The following RAD54B variants were observed in gnomAD, a reference collection of about 807,000 sequenced individuals.
The protein encoded by RAD54B is DNA repair and recombination protein RAD54B.
A neutral mutation model predicts 95.8 loss-of-function variants in RAD54B; 78 were observed. That is an observed-to-expected ratio of 0.81 (90% CI 0.68 to 0.98). RAD54B has a LOEUF of 0.98. Among genes scored for constraint, RAD54B ranks in the 50% least tolerant of loss-of-function variants. RAD54B has a pLI of 0.00. For synonymous variants in RAD54B, 328 were observed against 354.9 expected (o/e 0.92, Z 0.85); for missense variants, 957 against 1,056.6 (o/e 0.91, Z 1.31).
At chr8:94,432,919 C>T (rs1812151415) in intron 3 of RAD54B, among the ~76,000 whole-genome samples, 1 of 151,886 alleles carries the variant, frequency 6.6e-6, no homozygotes, top group African/African-American at 2.4e-5. Context: ...TTATAGAAGG[C>T]CAATGAAGAA....
chr8:94,428,014 T>G (rs1201028736), intron 3 of RAD54B: 2 of 931,608 alleles, frequency 2.1e-6, no homozygotes, highest in Non-Finnish European at 1.3e-6. Flanking sequence ...AAATCTGGTA[T>G]TCGTTAGAAA....
chr8:94,436,674 T>C, intron 3 of RAD54B: 1 of 1,550,652 alleles, frequency 6.4e-7, no homozygotes, highest in South Asian at 1.2e-5. Flanking sequence ...GTAGGCCCTG[T>C]GCTGTTCGAG....
intron 3 of RAD54B, among the ~76,000 whole-genome samples, chr8:94,422,559 G>A (rs1427500445): frequency 8.8e-6 from 1 of 113,966 alleles, no homozygotes; most frequent in African/African-American, 3.4e-5. Context: ...TGGCACTCCA[G>A]CCTGGACGAT....
chr8:94,460,133 G>C (rs899764979), intron 2 of RAD54B, among the ~76,000 whole-genome samples: 5 of 149,898 alleles, frequency 3.3e-5, no homozygotes, highest in African/African-American at 1.2e-4. Context: ...ACTGCAGCCT[G>C]GGCAACAGAG....
chr8:94,429,128 G>GT, intron 3 of RAD54B: 2 of 984,204 alleles, frequency 2.0e-6, no homozygotes, highest in Non-Finnish European at 2.4e-6. Flanking sequence ...CTCAAAGAGT[G>GT]TGATTCTGGT....
At chr8:94,386,401 G>A (rs1359584027) in intron 11 of RAD54B, among the ~76,000 whole-genome samples, 1 of 152,006 alleles carries the variant, frequency 6.6e-6, no homozygotes, top group Non-Finnish European at 1.5e-5. Flanking sequence ...AAGTACTATA[G>A]GACATCAAGA....
intron 14 of RAD54B, among the ~76,000 whole-genome samples, chr8:94,377,864 T>TA (rs1460168847): frequency 6.8e-6 from 1 of 147,388 alleles, no homozygotes; most frequent in Admixed American, 6.8e-5. Context: ...TAGTCCCAGC[T>TA]ACTCGGGAGG....
intron 3 of RAD54B, chr8:94,428,169 T>G (rs1257727483): frequency 3.6e-6 from 3 of 823,732 alleles, no homozygotes; most frequent in Non-Finnish European, 4.4e-6. Flanking sequence ...TACTAATATA[T>G]TGGATGAAAT....
chr8:94,372,223 C>A lies in RAD54B; in HGVS notation c.2680G>T (p.Glu894Ter), dbSNP rs768703754. 2.5e-6 allele frequency: 4 copies of A among 1,612,028 alleles called. No homozygotes were observed. The highest frequency in any genetic ancestry group is 2.5e-6 in the Non-Finnish European group (3 of 1,179,400). Residue 894 changes from glutamate (E) to a stop codon, truncating the protein, a stop_gained, in exon 15 of 15, where the codon GAA becomes TAA. Coordinates refer to ENST00000336148, the MANE Select transcript of RAD54B (RefSeq NM_012415.3). LOFTEE classifies it high-confidence loss of function. ...TTCTGAAAAATGAATGACACATTTT[C>A]TGTTATTCTTTCAAGAAAAGGATCT... is the stretch of plus-strand genomic sequence containing the variant. The part of the protein sequence containing the change: ...LTDPFLERIT[E>*]NVSFIFQNIT...
chr8:94,431,441 G>A (rs896144982), intron 3 of RAD54B: 2 of 979,782 alleles, frequency 2.0e-6, no homozygotes, highest in Non-Finnish European at 2.4e-6. Context: ...TGAAAGAAAT[G>A]CTTCTAATAT....
At chr8:94,382,291 A>G (rs1016560966) in intron 11 of RAD54B, among the ~76,000 whole-genome samples, 1 of 152,182 alleles carries the variant, frequency 6.6e-6, no homozygotes, top group African/African-American at 2.4e-5. Context: ...TGATGAAGAA[A>G]AATAGGTCAT....
intron 8 of RAD54B, among the ~76,000 whole-genome samples, chr8:94,396,968 T>A (rs1037189870): frequency 6.6e-6 from 1 of 152,090 alleles, no homozygotes; most frequent in African/African-American, 2.4e-5. Flanking sequence ...GAGACCTCAA[T>A]AGAAACCAAA....
chr8:94,391,668 A>C lies in RAD54B; in HGVS notation c.1750T>G (p.Cys584Gly). 1 of 1,613,974 alleles carries C rather than the reference A, an allele frequency of 6.2e-7. No individual in the cohort carries two copies. Among genetic ancestry groups the C allele is most frequent in the East Asian group, 2.2e-5 (1 of 44,868 alleles). Residue 584 changes from cysteine (C) to glycine (G), a missense_variant, in exon 10 of 15, where the codon TGT (cysteine) becomes GGT (glycine). Physicochemically the swap from Cys to Gly is radical, Grantham distance 159. Transcript: ENST00000336148. ...GLLENSPHLI[C>G]IGALKKLCNH... ...CACAGTTTTTTAAGAGCTCCTATAC[A>C]TATTAGATGGGGACTATTTTCCAAC...
chr8:94,432,436 C>A (rs1262696108), intron 3 of RAD54B: 2 of 1,550,312 alleles, frequency 1.3e-6, no homozygotes, highest in Non-Finnish European at 1.7e-6. Context: ...CTCATATCAA[C>A]AGAGGAAAGT....
chr8:94,402,788 A>G (rs1010047778), intron 6 of RAD54B, among the ~76,000 whole-genome samples: 1 of 152,194 alleles, frequency 6.6e-6, no homozygotes, highest in African/African-American at 2.4e-5. Context: ...TTATTTGAGA[A>G]GCATCAGAAG....
intron 3 of RAD54B, among the ~76,000 whole-genome samples, chr8:94,446,301 A>C (rs1812517952): frequency 6.6e-6 from 1 of 152,186 alleles, no homozygotes; most frequent in African/African-American, 2.4e-5. Context: ...AAGAGTCAAG[A>C]TAAGAATTAT....
chr8:94,416,384 G>T (rs1811667823), intron 3 of RAD54B, among the ~76,000 whole-genome samples: 1 of 152,148 alleles, frequency 6.6e-6, no homozygotes, highest in Non-Finnish European at 1.5e-5. Flanking sequence ...GGCGAGGGGG[G>T]AGGGATAGCA....
At chr8:94,421,160 T>A (rs1811799773) in intron 3 of RAD54B, among the ~76,000 whole-genome samples, 1 of 152,194 alleles carries the variant, frequency 6.6e-6, no homozygotes, top group Non-Finnish European at 1.5e-5. Flanking sequence ...AACTGCCCTG[T>A]TAAAGGTTAC....
chr8:94,439,910 T>C (rs933276219), intron 3 of RAD54B, among the ~76,000 whole-genome samples: 5 of 152,194 alleles, frequency 3.3e-5, no homozygotes, highest in African/African-American at 1.2e-4. Context: ...AGTGCCTGGC[T>C]CTTACTTGAT....
Sources: allele counts gnomAD v4.1 joint callset (sites outside exome capture counted in the v4.1 genomes callset), GRCh38; gene constraint gnomAD v4.1.1; transcripts MANE v1.5; gene names NCBI Gene and HGNC (gene_info 2026-07-23, HGNC 2026-07-21).